The following ZNF536 variants were observed in gnomAD, a reference collection of about 807,000 sequenced individuals.
ZNF536 encodes zinc finger protein 536.
In ZNF536, 13 loss-of-function variants were observed where a neutral mutation model predicts 84.5. That is an observed-to-expected ratio of 0.15 (90% CI 0.10 to 0.24). ZNF536 has a LOEUF of 0.24. Ranked by LOEUF, ZNF536 falls within the 10% of genes least tolerant of loss-of-function variation. ZNF536 has a pLI of 1.00. For synonymous variants in ZNF536, 811 were observed against 742.5 expected (o/e 1.09, Z -1.50); for missense variants, 1,536 against 1,747.5 (o/e 0.88, Z 2.16).
intron 2 of ZNF536, among the ~76,000 whole-genome samples, chr19:30,493,333 A>G (rs111728657): frequency 0.042 from 6,441 of 152,242 alleles, 195 homozygotes; most frequent in South Asian, 0.1. Context: ...GCTTTGCTTT[A>G]GAAACAGGCA....
At chr19:30,398,353 T>C (rs2049906120) in intron 1 of ZNF536, among the ~76,000 whole-genome samples, 1 of 151,956 alleles carries the variant, frequency 6.6e-6, no homozygotes, top group Non-Finnish European at 1.5e-5. Context: ...TGGAACCATA[T>C]GGTATATGAC....
intron 1 of ZNF536, among the ~76,000 whole-genome samples, chr19:30,612,593 C>T (rs1398356434): frequency 6.6e-6 from 1 of 152,120 alleles, no homozygotes; most frequent in Non-Finnish European, 1.5e-5. Context: ...GATCTGTTAA[C>T]TACCTTGTAT....
chr19:30,280,669 C>T lies in ZNF536; in HGVS notation c.-189-3403C>T, dbSNP rs1285848616. ...GCTAAACTCAGGGCCCATCTCAGAG[C>T]CATGGTGATGCTGGGGGTACCCCGT... On this transcript the variant is annotated intron_variant, in intron 1 of 5. Coordinates refer to the ZNF536 transcript ENST00000585628. Among the ~76,000 whole-genome samples, 5 of 152,260 alleles carry T rather than the reference C, an allele frequency of 3.3e-5. No homozygotes were observed. The South Asian group carries it at 8.3e-4, about 25-fold the overall frequency.
chr19:30,292,963 T>G (rs1432306869), intron 2 of ZNF536, among the ~76,000 whole-genome samples: 1 of 152,194 alleles, frequency 6.6e-6, no homozygotes, highest in Non-Finnish European at 1.5e-5. Context: ...CAGTGAATTA[T>G]TTCCATAACC....
chr19:30,381,551 G>A (rs1212339972), intron 1 of ZNF536, among the ~76,000 whole-genome samples: 1 of 152,212 alleles, frequency 6.6e-6, no homozygotes, highest in African/African-American at 2.4e-5. Context: ...TCCCAAGGAA[G>A]GAACAGGCCT....
chr19:30,361,216 C>G (rs1156495793), intron 3 of ZNF536, among the ~76,000 whole-genome samples: 1 of 152,232 alleles, frequency 6.6e-6, no homozygotes. Flanking sequence ...ACCCTTCTTG[C>G]CATTCGGCAC....
chr19:30,240,168 A>T (rs75086224), intron 1 of ZNF536, among the ~76,000 whole-genome samples: 1 of 152,210 alleles, frequency 6.6e-6, no homozygotes, highest in African/African-American at 2.4e-5. Context: ...CAGGAGATCG[A>T]CACCAGCCTG....
chr19:30,479,460 C>T (rs924217167), intron 2 of ZNF536, among the ~76,000 whole-genome samples: 2 of 152,204 alleles, frequency 1.3e-5, no homozygotes, highest in African/African-American at 2.4e-5. Context: ...GACCCTAGGT[C>T]GTGGAAGGAG....
At chr19:30,358,870 T>C (rs1331561290) in intron 3 of ZNF536, among the ~76,000 whole-genome samples, 1 of 152,198 alleles carries the variant, frequency 6.6e-6, no homozygotes, top group Non-Finnish European at 1.5e-5. Flanking sequence ...TGGACTCTGC[T>C]CCTGAATGTG....
At chr19:30,232,377 C>T (rs558193978) in intron 1 of ZNF536, among the ~76,000 whole-genome samples, 2 of 152,124 alleles carry the variant, frequency 1.3e-5, no homozygotes, top group South Asian at 4.2e-4. Context: ...ACAATGCATC[C>T]CGTCACCCAG....
intron 1 of ZNF536, among the ~76,000 whole-genome samples, chr19:30,605,930 A>G (rs1364963525): frequency 6.6e-6 from 1 of 152,074 alleles, no homozygotes; most frequent in Non-Finnish European, 1.5e-5. Context: ...CTTAGGACAG[A>G]AAGACTTTGG....
chr19:30,462,303 AGTGTGT>A (rs772183721), intron 2 of ZNF536, among the ~76,000 whole-genome samples: 143 of 109,620 alleles, frequency 1.3e-3, no homozygotes, highest in African/African-American at 2.1e-3. Context: ...TGTGTGTGTG[AGTGTGT>A]GTGTGTGTGT....
At chr19:30,627,939 G>A (rs2048746694) in intron 1 of ZNF536, among the ~76,000 whole-genome samples, 1 of 152,134 alleles carries the variant, frequency 6.6e-6, no homozygotes, top group Admixed American at 6.5e-5. Context: ...CTCCGGCCAT[G>A]ACTGCTTCTT....
intron 2 of ZNF536, among the ~76,000 whole-genome samples, chr19:30,476,036 T>C (rs1055125912): frequency 3.3e-5 from 5 of 152,144 alleles, no homozygotes; most frequent in Non-Finnish European, 7.4e-5. Context: ...TCTCCCCGGG[T>C]CATTACACAT....
chr19:30,267,843 A>G (rs1336061681), intron 1 of ZNF536, among the ~76,000 whole-genome samples: 1 of 151,898 alleles, frequency 6.6e-6, no homozygotes, highest in African/African-American at 2.4e-5. Context: ...TTTCTTTTTC[A>G]GCCTATCAGC....
At chr19:30,344,468 G>T (rs888789128) in intron 2 of ZNF536, among the ~76,000 whole-genome samples, 1 of 135,300 alleles carries the variant, frequency 7.4e-6, no homozygotes, top group Non-Finnish European at 1.6e-5. Flanking sequence ...AAAAGACAAG[G>T]ATGCTGTCAC....
intron 2 of ZNF536, among the ~76,000 whole-genome samples, chr19:30,320,962 C>G (rs888542420): frequency 2.0e-5 from 3 of 152,110 alleles, no homozygotes; most frequent in African/African-American, 7.2e-5. Context: ...GGGAGTGCAG[C>G]GACAAACACA....
At chr19:30,367,496 T>G (rs1185260501), upstream of ZNF536, among the ~76,000 whole-genome samples, 1 of 152,212 alleles carries the variant, frequency 6.6e-6, no homozygotes, top group Non-Finnish European at 1.5e-5. Context: ...TTAGACTCCT[T>G]TGCAATTCAC....
intron 2 of ZNF536, among the ~76,000 whole-genome samples, chr19:30,469,722 T>G (rs1033233714): frequency 1.1e-4 from 17 of 152,112 alleles, no homozygotes; most frequent in Non-Finnish European, 2.4e-4. Flanking sequence ...TCAGCCTGGC[T>G]TACAGCTCCC....
Sources: gnomAD v4.1 joint callset for allele counts (sites outside exome capture counted in the v4.1 genomes callset) on GRCh38, gnomAD v4.1.1 for gene constraint, MANE v1.5 for transcripts, NCBI Gene and HGNC (gene_info 2026-07-23, HGNC 2026-07-21) for gene names.